Variants in SOX5 observed in about 807,000 individuals in gnomAD.
SOX5 encodes SRY-box transcription factor 5, also known as transcription factor SOX-5.
Under a neutral mutation model 92.0 loss-of-function variants are expected in SOX5, and 9 were observed. That is an observed-to-expected ratio of 0.10 (90% CI 0.06 to 0.17). The LOEUF (loss-of-function observed/expected upper bound fraction) is 0.17, where lower values mean the gene tolerates loss of function less well. Ranked by LOEUF, SOX5 falls within the 10% of genes least tolerant of loss-of-function variation. The probability of loss-of-function intolerance (pLI) is 1.00; values close to 1 mark genes in which losing one functional copy is unlikely to be tolerated. For missense variants in SOX5, 642 were observed against 944.5 expected, an observed-to-expected ratio of 0.68 and a Z score of 4.20; for synonymous variants, 344 against 336.3, an observed-to-expected ratio of 1.02 and a Z score of -0.25.
intron 3 of SOX5, among the ~76,000 whole-genome samples, chr12:23,779,955 C>CTGTG (rs10686652): frequency 0.27 from 37,154 of 136,292 alleles, 5,759 homozygotes; most frequent in East Asian, 0.48. Context: ...CACAGCGAGA[C>CTGTG]TGTGTGTGTG....
chr12:24,300,821 T>G (rs1370510869), intron 2 of SOX5, among the ~76,000 whole-genome samples: 1 of 152,184 alleles, frequency 6.6e-6, no homozygotes, highest in Non-Finnish European at 1.5e-5. Flanking sequence ...GACCAGACAC[T>G]CATTTTAAAA....
chr12:23,799,211 T>A (rs920340193), intron 3 of SOX5, among the ~76,000 whole-genome samples: 1 of 152,016 alleles, frequency 6.6e-6, no homozygotes, highest in Non-Finnish European at 1.5e-5. Flanking sequence ...TGTATAAGCA[T>A]TCTAACTTAT....
At chr12:24,232,281 C>T (rs1963556897) in intron 3 of SOX5, among the ~76,000 whole-genome samples, 1 of 152,168 alleles carries the variant, frequency 6.6e-6, no homozygotes, top group Admixed American at 6.5e-5. Context: ...ACTTTGCTAA[C>T]CTTTCAGAGC....
At chr12:24,177,650 T>G (rs952723245) in intron 4 of SOX5, among the ~76,000 whole-genome samples, 3 of 152,238 alleles carry the variant, frequency 2.0e-5, no homozygotes, top group Non-Finnish European at 4.4e-5. Context: ...ACTCTTCAGA[T>G]AGTGCTCATA....
chr12:24,291,189 T>C (rs886829613), intron 2 of SOX5, among the ~76,000 whole-genome samples: 1 of 152,232 alleles, frequency 6.6e-6, no homozygotes, highest in African/African-American at 2.4e-5. Flanking sequence ...GTCTCTTTGC[T>C]AAGAAGGGCA....
intron 6 of SOX5, among the ~76,000 whole-genome samples, chr12:23,670,913 G>A (rs1025840211): frequency 1.3e-5 from 2 of 152,104 alleles, no homozygotes; most frequent in Non-Finnish European, 2.9e-5. Flanking sequence ...TTCTCAAAAC[G>A]TGCCTAATCA....
intron 1 of SOX5, among the ~76,000 whole-genome samples, chr12:24,413,963 A>G (rs1207088214): frequency 6.6e-6 from 1 of 152,198 alleles, no homozygotes; most frequent in Non-Finnish European, 1.5e-5. Context: ...TATTTTCTAT[A>G]TTCCCTGATT....
At chr12:23,924,630 A>G (rs1340273829) in intron 1 of SOX5, among the ~76,000 whole-genome samples, 2 of 152,140 alleles carry the variant, frequency 1.3e-5, no homozygotes, top group African/African-American at 4.8e-5. Context: ...CATTTTTGTT[A>G]TCATTCCTAG....
chr12:24,358,173 T>C (rs151332537), intron 2 of SOX5, among the ~76,000 whole-genome samples: 27 of 152,370 alleles, frequency 1.8e-4, no homozygotes, highest in African/African-American at 5.0e-4. Flanking sequence ...TACTATCTTA[T>C]TGAAAATCAC....
intron 3 of SOX5, among the ~76,000 whole-genome samples, chr12:24,230,151 G>A (rs765792118): frequency 1.3e-5 from 2 of 152,082 alleles, no homozygotes; most frequent in Non-Finnish European, 2.9e-5. Flanking sequence ...GTGTGTAATG[G>A]GGGATCTGTT....
intron 1 of SOX5, among the ~76,000 whole-genome samples, chr12:24,556,848 A>C (rs925823568): frequency 2.1e-4 from 32 of 152,270 alleles, no homozygotes; most frequent in Non-Finnish European, 4.0e-4. Context: ...TAAAGTGTTG[A>C]TCTCAGCCTC....
chr12:23,863,231 A>G (rs985795327), intron 2 of SOX5, among the ~76,000 whole-genome samples: 8 of 152,166 alleles, frequency 5.3e-5, no homozygotes, highest in African/African-American at 1.7e-4. Flanking sequence ...CTTTCCATCT[A>G]TATATGTGTA....
At chr12:23,602,631 G>A (rs865909003) in intron 9 of SOX5, among the ~76,000 whole-genome samples, 2 of 151,934 alleles carry the variant, frequency 1.3e-5, no homozygotes, top group African/African-American at 4.8e-5. Flanking sequence ...GCCTCATTAC[G>A]AAACATGATG....
intron 6 of SOX5, among the ~76,000 whole-genome samples, chr12:23,690,661 T>A (rs1263091484): frequency 6.6e-6 from 1 of 152,080 alleles, no homozygotes; most frequent in Non-Finnish European, 1.5e-5. Flanking sequence ...CTATCCAGAG[T>A]ATGTAGCACT....
chr12:24,304,202 T>G (rs1185145392), intron 2 of SOX5, among the ~76,000 whole-genome samples: 1 of 152,154 alleles, frequency 6.6e-6, no homozygotes, highest in Non-Finnish European at 1.5e-5. Context: ...GAGAATTCCA[T>G]GTCAAAGAGA....
At chr12:23,717,220 A>G (rs1465254405) in intron 6 of SOX5, among the ~76,000 whole-genome samples, 1 of 152,174 alleles carries the variant, frequency 6.6e-6, no homozygotes, top group Non-Finnish European at 1.5e-5. Context: ...TCTCTACCTT[A>G]TTGATATCAA....
intron 1 of SOX5, among the ~76,000 whole-genome samples, chr12:24,438,495 A>C (rs745671902): frequency 4.6e-5 from 7 of 152,194 alleles, no homozygotes; most frequent in Non-Finnish European, 8.8e-5. Context: ...TAATTTCTCC[A>C]GTGGAACTAG....
intron 1 of SOX5, among the ~76,000 whole-genome samples, chr12:24,430,420 A>G (rs1426752313): frequency 6.6e-6 from 1 of 152,020 alleles, no homozygotes; most frequent in Non-Finnish European, 1.5e-5. Flanking sequence ...AGAAGATTCT[A>G]AATGTATATT....
At chr12:23,956,423 G>A (rs945103148) in intron 4 of SOX5, among the ~76,000 whole-genome samples, 1 of 152,120 alleles carries the variant, frequency 6.6e-6, no homozygotes, top group Non-Finnish European at 1.5e-5. Context: ...GGCAGCATTA[G>A]ATTATCATAG....
Sources: allele counts gnomAD v4.1 joint callset (sites outside exome capture counted in the v4.1 genomes callset), GRCh38; gene constraint gnomAD v4.1.1; transcripts MANE v1.5; gene names NCBI Gene and HGNC (gene_info 2026-07-23, HGNC 2026-07-21).